The following RSPO2 variants were observed in gnomAD, a reference collection of about 807,000 sequenced individuals.
RSPO2 encodes R-spondin-2.
A neutral mutation model predicts 30.9 loss-of-function variants in RSPO2; 14 were observed. The observed-to-expected ratio is 0.45, with a 90% CI of 0.30 to 0.71. The LOEUF is 0.71. Among genes scored for constraint, RSPO2 ranks in the 30% least tolerant of loss-of-function variants. The pLI is 0.08. For missense variants in RSPO2, 264 were observed against 301.9 expected (o/e 0.87, Z 0.93); for synonymous variants, 107 against 96.4 (o/e 1.11, Z -0.64).
intron 5 of RSPO2, among the ~76,000 whole-genome samples, chr8:107,940,089 A>G (rs926299359): frequency 2.6e-5 from 4 of 151,946 alleles, no homozygotes; most frequent in African/African-American, 9.7e-5. Context: ...CCAACCAACA[A>G]CTTGAAGAAA....
At chr8:108,048,050 C>CG (rs1811961388) in intron 2 of RSPO2, among the ~76,000 whole-genome samples, 1 of 151,940 alleles carries the variant, frequency 6.6e-6, no homozygotes, top group Non-Finnish European at 1.5e-5. Flanking sequence ...AGTACTATGC[C>CG]GCGTGCTTCT....
chr8:107,963,385 A>T (rs972039876), intron 3 of RSPO2, among the ~76,000 whole-genome samples: 2 of 151,790 alleles, frequency 1.3e-5, no homozygotes, highest in African/African-American at 4.8e-5. Flanking sequence ...TTAGCTGGGC[A>T]TGGTGGTATG....
chr8:108,039,772 G>C (rs540358081), intron 2 of RSPO2, among the ~76,000 whole-genome samples: 4 of 152,020 alleles, frequency 2.6e-5, no homozygotes, highest in African/African-American at 4.8e-5. Flanking sequence ...CCAGATGCTT[G>C]TGTCCCCTAA....
intron 5 of RSPO2, among the ~76,000 whole-genome samples, chr8:107,944,468 T>C (rs1044623489): frequency 6.6e-6 from 1 of 152,204 alleles, no homozygotes; most frequent in Non-Finnish European, 1.5e-5. Flanking sequence ...GGAGACATGT[T>C]ACTGAATTCA....
intron 2 of RSPO2, among the ~76,000 whole-genome samples, chr8:108,069,205 AC>A: frequency 9.0e-6 from 1 of 111,544 alleles, no homozygotes; most frequent in South Asian, 2.4e-4. Context: ...GTGTGAACAC[AC>A]ACACACACAC....
intron 2 of RSPO2, among the ~76,000 whole-genome samples, chr8:108,047,421 C>T (rs1811938212): frequency 6.6e-6 from 1 of 152,128 alleles, no homozygotes; most frequent in Non-Finnish European, 1.5e-5. Context: ...CACACTTGAC[C>T]ATATATGCTC....
intron 5 of RSPO2, among the ~76,000 whole-genome samples, chr8:107,942,863 T>C (rs902758193): frequency 6.6e-6 from 1 of 152,258 alleles, no homozygotes; most frequent in African/African-American, 2.4e-5. Flanking sequence ...AGTTGCTGTT[T>C]TTATTTGACT....
chr8:108,079,911 G>T (rs776091589), intron 2 of RSPO2, among the ~76,000 whole-genome samples: 6 of 152,154 alleles, frequency 3.9e-5, no homozygotes, highest in Non-Finnish European at 7.4e-5. Context: ...GTATCACATA[G>T]GCCCTAACAT....
chr8:107,988,864 G>A (rs1814742416), intron 3 of RSPO2, among the ~76,000 whole-genome samples, 192 bp downstream of exon 3: 1 of 152,150 alleles, frequency 6.6e-6, no homozygotes, highest in Non-Finnish European at 1.5e-5. Flanking sequence ...CTGGCCTCAA[G>A]TGATCCACCT....
chr8:108,072,492 ATTTTT>A (rs71308776), intron 2 of RSPO2, among the ~76,000 whole-genome samples: 1,966 of 122,636 alleles, frequency 0.016, 50 homozygotes, highest in African/African-American at 0.057. Flanking sequence ...AGCCCGGCTA[ATTTTT>A]TTTTTTTTTT....
chr8:107,973,716 C>A (rs1342899193), intron 3 of RSPO2, among the ~76,000 whole-genome samples: 2 of 152,176 alleles, frequency 1.3e-5, no homozygotes, highest in East Asian at 3.9e-4. Flanking sequence ...GGTATAGATT[C>A]ACTGAGCACT....
At chr8:107,946,811 C>A (rs1414752397) in intron 5 of RSPO2, among the ~76,000 whole-genome samples, 1 of 152,104 alleles carries the variant, frequency 6.6e-6, no homozygotes, top group Non-Finnish European at 1.5e-5. Context: ...TCAAGACCGG[C>A]CATATACCAA....
chr8:107,922,037 G>A (rs1484265819), intron 5 of RSPO2, among the ~76,000 whole-genome samples: 2 of 152,060 alleles, frequency 1.3e-5, no homozygotes, highest in Non-Finnish European at 2.9e-5. Context: ...CTGAAAACTG[G>A]CACGAGACAA....
At chr8:108,067,195 T>C (rs1409319950) in intron 2 of RSPO2, among the ~76,000 whole-genome samples, 1 of 152,194 alleles carries the variant, frequency 6.6e-6, no homozygotes, top group Non-Finnish European at 1.5e-5. Context: ...ACCCACCAAG[T>C]GCAATGAGTG....
chr8:108,081,748 G>C (rs1283659605), intron 2 of RSPO2: 1 of 214,530 alleles, frequency 4.7e-6, no homozygotes, highest in Admixed American at 6.5e-5. Context: ...GTGATGGAGA[G>C]GGAGGGAGCA....
intron 5 of RSPO2, among the ~76,000 whole-genome samples, chr8:107,915,424 T>A (rs1212108370): frequency 2.6e-5 from 4 of 152,034 alleles, no homozygotes; most frequent in Non-Finnish European, 5.9e-5. Flanking sequence ...TTCTGGGAGG[T>A]CTCAGTTGAC....
intron 5 of RSPO2, among the ~76,000 whole-genome samples, chr8:107,928,839 G>A (rs1013610187): frequency 1.3e-4 from 20 of 152,144 alleles, no homozygotes; most frequent in East Asian, 1.9e-4. Flanking sequence ...AGTTTAGTCC[G>A]GTTCATGGCG....
chr8:107,920,305 C>T (rs1035265295), intron 5 of RSPO2, among the ~76,000 whole-genome samples: 5 of 151,398 alleles, frequency 3.3e-5, no homozygotes, highest in Non-Finnish European at 7.4e-5. Flanking sequence ...GGCAGGTAAA[C>T]ATTTTATTCG....
At chr8:108,011,407 G>C (rs975582650) in intron 2 of RSPO2, among the ~76,000 whole-genome samples, 1 of 152,142 alleles carries the variant, frequency 6.6e-6, no homozygotes, top group Non-Finnish European at 1.5e-5. Context: ...AAGGTAGTAT[G>C]AATCAGTTTT....
Sources: gnomAD v4.1 joint callset for allele counts (sites outside exome capture counted in the v4.1 genomes callset) on GRCh38, gnomAD v4.1.1 for gene constraint, MANE v1.5 for transcripts, NCBI Gene and HGNC (gene_info 2026-07-23, HGNC 2026-07-21) for gene names.